Variants in ATP8B2 observed in about 807,000 individuals in gnomAD.
ATP8B2 encodes phospholipid-transporting ATPase ID.
ATP8B2 carries 70 observed loss-of-function variants against 133.4 expected under a neutral mutation model. That is an observed-to-expected ratio of 0.52 (90% CI 0.43 to 0.64). The LOEUF is 0.64. Among genes scored for constraint, ATP8B2 ranks in the 30% least tolerant of loss-of-function variants. The pLI, the probability that ATP8B2 is intolerant of heterozygous loss-of-function variation, is 0.00. For missense variants in ATP8B2, 1,101 were observed against 1,535.7 expected (o/e 0.72, Z 4.73); for synonymous variants, 517 against 589.5 (o/e 0.88, Z 1.78).
intron 3 of ATP8B2, 178 bp from the exon 4 acceptor site, chr1:154,330,637 C>A: frequency 1.3e-6 from 1 of 745,976 alleles, no homozygotes; most frequent in Non-Finnish European, 2.2e-6. Context: ...GTCAGTGAAG[C>A]AGAATACATT....
chr1:154,327,364 G>A (rs1252918689), intron 1 of ATP8B2, among the ~76,000 whole-genome samples: 3 of 151,354 alleles, frequency 2.0e-5, no homozygotes, highest in Non-Finnish European at 3.0e-5. Context: ...AGCAGGCAGA[G>A]GCTTGTCTCA....
rs1686521741 is a variant in ATP8B2, at chr1:154,344,705, A to G, written c.2206A>G (p.Lys736Glu). 1 of 1,612,244 alleles carries G rather than the reference A, an allele frequency of 6.2e-7. No homozygotes were observed. ...SVGNGFTYQD[K>E]LSSSKLTSVL... ...AGGCAACGGCTTCACCTATCAGGAC[A>G]AGCTTTCTTCTTCCAAGCTAACTTC... The change falls in exon 21 of 28, where the codon AAG (lysine) becomes GAG (glutamate). Residue 736 changes from lysine to glutamate, a missense_variant. Lys to Glu is a moderately conservative substitution (Grantham distance 56). Transcript: ENST00000368489. The surrounding 1 kb of genome is among the most constrained non-coding windows in gnomAD (Gnocchi z 4.1).
At position 154,331,685 on chromosome 1, in the gene ATP8B2, G is replaced by C. The variant is rs190204721; in HGVS notation, c.438+7G>C. 1.9e-6 allele frequency: 3 copies of C among 1,613,272 alleles called. No individual in the cohort carries two copies. In the East Asian group the frequency reaches 6.7e-5, roughly 36 times the overall value. On this transcript the variant is annotated splice_region_variant and intron_variant, in intron 7 of 27. Transcript: ENST00000368489. This position sits in a 1 kb window ranked among gnomAD's most constrained non-coding sequence, Gnocchi z 4.8. ...AAATAACCAGTTTGTGGCGGTAAGGGACAGGGTACCCCTCTAGGCCTGTAG... is the reference window on the plus strand; with the variant it reads ...AAATAACCAGTTTGTGGCGGTAAGGCACAGGGTACCCCTCTAGGCCTGTAG...
chr1:154,341,193 G>A (rs1211138401), intron 13 of ATP8B2, 131 bp downstream of exon 13: 2 of 942,558 alleles, frequency 2.1e-6, no homozygotes, highest in African/African-American at 3.3e-5. Flanking sequence ...TAGAAGAAAG[G>A]GTCCATCCTG....
rs545346974 is a variant in ATP8B2 at position 154,337,342 on chromosome 1, C to T, written c.838-6C>T. 2.2e-5 allele frequency: 36 copies of T among 1,609,372 alleles called. No homozygotes were observed. In the Admixed American group the frequency reaches 2.5e-4, roughly 11 times the overall value. Reference sequence around the variant, plus strand: ...AGCCTCGCCTGTGCTTCTCATTCCTCCCCAGATTTTTGGATTCCTGGTTTG... The same window carrying T: ...AGCCTCGCCTGTGCTTCTCATTCCTTCCCAGATTTTTGGATTCCTGGTTTG... On this transcript the variant is annotated splice_region_variant and splice_polypyrimidine_tract_variant and intron_variant, in intron 11 of 27. Transcript: ENST00000368489.
intron 11 of ATP8B2, among the ~76,000 whole-genome samples, chr1:154,335,098 C>T (rs1686132085): frequency 6.6e-6 from 1 of 152,190 alleles, no homozygotes; most frequent in Non-Finnish European, 1.5e-5. Flanking sequence ...CCTTCCTGTG[C>T]CCCGACTGTC....
At position 154,340,806 on chromosome 1, in the gene ATP8B2, A is replaced by G; in HGVS notation, c.1035-48A>G. The G allele has an allele frequency of 6.3e-7, 1 of 1,581,382 alleles. No homozygotes were observed. The highest frequency in any genetic ancestry group is 2.2e-5 in the East Asian group (1 of 44,568). On this transcript the variant is annotated intron_variant, in intron 12 of 27. Transcript: ENST00000368489. The surrounding 1 kb of genome is among the most constrained non-coding windows in gnomAD (Gnocchi z 4.0). The stretch of plus-strand genomic sequence containing the variant: ...CAGCGAAGGCCCATGTGGGTGGGGC[A>G]CCTCCTCTTCTTCCCGACCCAAGCC...
At position 154,336,483 on chromosome 1, in the gene ATP8B2, ATTTT is replaced by A. The variant is rs10708729; in HGVS notation, c.838-850_838-847del. ...AAAATTGCAAAAAAAAATCTCATAAATTTTTTTTTTTTTTTTTTGAGACGGAGTC... is the reference window on the plus strand; with the variant it reads ...AAAATTGCAAAAAAAAATCTCATAAATTTTTTTTTTTTTTGAGACGGAGTC... On this transcript the variant is annotated intron_variant, in intron 11 of 27. Transcript: ENST00000368489. Among the ~76,000 whole-genome samples, 751 of 125,510 alleles carry A rather than the reference ATTTT, an allele frequency of 6.0e-3. 6 individuals carry two copies. Among genetic ancestry groups the A allele is most frequent in the African/African-American group, 0.019 (617 of 33,008 alleles). 82.3% of individuals were successfully genotyped at this position (125,510 alleles called of 152,430 possible).
Position 154,331,560 on chromosome 1 carries a change from C to A in ATP8B2, c.366-46C>A, listed in dbSNP as rs1685994130. The A allele has an allele frequency of 3.1e-6, 5 of 1,613,574 alleles. No individual in the cohort carries two copies. The East Asian group carries it at 8.9e-5, about 29-fold the overall frequency. ...GGGACGAAGGGGGTCCCTTAGGAAC[C>A]TCTTTAGCTCCTGACAGCCTCTTCA... On this transcript the variant is annotated intron_variant, in intron 6 of 27. Coordinates refer to ENST00000368489, the MANE Select transcript of ATP8B2 (RefSeq NM_001370597.1). The surrounding 1 kb of genome is among the most constrained non-coding windows in gnomAD (Gnocchi z 4.8).
At position 154,349,067 on chromosome 1, in the gene ATP8B2, T is replaced by A. The variant is rs925796941; in HGVS notation, c.3522T>A (p.Ser1174Arg). 2.5e-6 allele frequency: 4 copies of A among 1,613,910 alleles called. No homozygotes were observed. The highest frequency in any genetic ancestry group is 3.4e-6 in the Non-Finnish European group (4 of 1,179,982). Reference protein sequence around the residue: ...SWIESLRRKKSDSASSPSGGA... With the variant: ...SWIESLRRKKRDSASSPSGGA... ...TTGAGAGCCTGCGCAGGAAGAAGAG[T>A]GACAGTGCCAGTAGCCCCAGTGGCG... The change falls in exon 28 of 28, where the codon AGT (serine) becomes AGA (arginine). Residue 1174 changes from serine (S) to arginine (R), a missense_variant. By Grantham distance (110) the Ser-to-Arg change is moderately radical. Transcript: ENST00000368489.
At chr1:154,330,707 G>A in intron 3 of ATP8B2, 108 bp from the exon 4 acceptor site, 1 of 968,596 alleles carries the variant, frequency 1.0e-6, no homozygotes, top group Non-Finnish European at 1.6e-6. Context: ...GTGTTTGCTA[G>A]CTTTTGGGGT....
At chr1:154,342,576 A>C (rs1022490352) in intron 14 of ATP8B2, 53 bp downstream of exon 14, 2 of 1,563,758 alleles carry the variant, frequency 1.3e-6, no homozygotes, top group African/African-American at 2.7e-5. Flanking sequence ...GTGCCTGGCC[A>C]GTAACAGTGT....
At position 154,340,813 on chromosome 1, in the gene ATP8B2, C is replaced by T. The variant is rs1558272639; in HGVS notation, c.1035-41C>T. ...GGCCCATGTGGGTGGGGCACCTCCTCTTCTTCCCGACCCAAGCCTCACCTC... is the reference window on the plus strand; with the variant it reads ...GGCCCATGTGGGTGGGGCACCTCCTTTTCTTCCCGACCCAAGCCTCACCTC... On this transcript the variant is annotated intron_variant, in intron 12 of 27. Coordinates refer to ENST00000368489, the MANE Select transcript of ATP8B2 (RefSeq NM_001370597.1). The surrounding 1 kb of genome is among the most constrained non-coding windows in gnomAD (Gnocchi z 4.0). 2.5e-6 allele frequency: 4 copies of T among 1,602,250 alleles called. No individual in the cohort carries two copies. The Admixed American group carries it at 5.0e-5, about 20-fold the overall frequency.
chr1:154,331,992 G>C lies in ATP8B2; in HGVS notation c.477G>C (p.Gly159=), dbSNP rs778100044. 1.7e-5 allele frequency: 27 copies of C among 1,614,126 alleles called. No individual in the cohort carries two copies. The South Asian group carries it at 2.9e-4, about 17-fold the overall frequency. The change falls in exon 8 of 28, where the codon GGG becomes GGC. Residue 159 remains glycine (G), a synonymous_variant. Coordinates refer to ENST00000368489, the MANE Select transcript of ATP8B2 (RefSeq NM_001370597.1). The surrounding 1 kb of genome is among the most constrained non-coding windows in gnomAD (Gnocchi z 4.8). ...TCCTTTCCAGCAGTGAGCCCCATGG[G>C]CTGTGTTACATAGAGACAGCAGAAC... ...LLLLSSSEPH[G]LCYIETAELD...
chr1:154,338,494 T>G (rs1686267745), intron 12 of ATP8B2, among the ~76,000 whole-genome samples: 1 of 152,122 alleles, frequency 6.6e-6, no homozygotes, highest in Non-Finnish European at 1.5e-5. Flanking sequence ...ACCCCGTCTC[T>G]ACTAAAAATA....
Position 154,348,471 on chromosome 1 carries a change from T to C in ATP8B2, c.3227T>C (p.Val1076Ala), listed in dbSNP as rs1570874839. ...CTGACCATTGTGCTCACCACAGTCG[T>C]CTGCATCATGCCCGTGGTTGCCTTC... ...VWLTIVLTTV[V>A]CIMPVVAFRF... The change falls in exon 27 of 28, where the codon GTC (valine) becomes GCC (alanine). Residue 1076 changes from valine to alanine, a missense_variant. Physicochemically the swap from Val to Ala is moderately conservative, Grantham distance 64. Coordinates refer to ENST00000368489, the MANE Select transcript of ATP8B2 (RefSeq NM_001370597.1). 1 of 1,614,098 alleles carries C rather than the reference T, an allele frequency of 6.2e-7. No homozygotes were observed. The highest frequency in any genetic ancestry group is 8.5e-7 in the Non-Finnish European group (1 of 1,179,992).
chr1:154,349,005 C>T lies in ATP8B2; in HGVS notation c.3460C>T (p.Leu1154Phe). The change falls in exon 28 of 28, where the codon CTC becomes TTC. Residue 1154 changes from leucine (L) to phenylalanine (F), a missense_variant. By Grantham distance (22) the Leu-to-Phe change is conservative. Transcript: ENST00000368489. ...GKNMRLSSLA[L>F]SSFTTRSSSS... ...GAACATGCGGCTGAGCTCTCTCGCG[C>T]TCTCCAGCTTCACCACCCGCTCCAG... 1 of 1,614,278 alleles carries T rather than the reference C, an allele frequency of 6.2e-7. No individual in the cohort carries two copies. The highest frequency in any genetic ancestry group is 8.5e-7 in the Non-Finnish European group (1 of 1,180,046).
rs1037437541 is a variant in ATP8B2 at position 154,330,807 on chromosome 1, T to C, written c.91-8T>C. 1.2e-6 allele frequency: 2 copies of C among 1,608,344 alleles called. No homozygotes were observed. The highest frequency in any genetic ancestry group is 2.7e-5 in the African/African-American group (2 of 74,776). ...GACTGCTCATTATCTTCTCTCCTACTGCCATAGAGTAACTGCATCAAGACC... is the reference window on the plus strand; with the variant it reads ...GACTGCTCATTATCTTCTCTCCTACCGCCATAGAGTAACTGCATCAAGACC... On this transcript the variant is annotated splice_region_variant and splice_polypyrimidine_tract_variant and intron_variant, in intron 3 of 27. Coordinates refer to ENST00000368489, the MANE Select transcript of ATP8B2 (RefSeq NM_001370597.1).
Position 154,349,316 on chromosome 1 carries a change from A to G in ATP8B2, c.*198A>G, listed in dbSNP as rs940068523. On this transcript the variant is annotated 3_prime_UTR_variant, in exon 28 of 28. Transcript: ENST00000368489. ...GCCCTTCCACCAGCTGGGGAGCTAG[A>G]GGGAGCAGGCCCAAGGGCAGAGCAG... 5.1e-6 allele frequency: 4 copies of G among 791,130 alleles called. No homozygotes were observed. The highest frequency in any genetic ancestry group is 7.8e-6 in the Non-Finnish European group (4 of 512,436). 49.0% of individuals were successfully genotyped at this position (791,130 alleles called of 1,614,324 possible).
Sources: gnomAD v4.1 joint callset for allele counts (sites outside exome capture counted in the v4.1 genomes callset) on GRCh38, gnomAD v4.1.1 for gene constraint, Gnocchi (gnomAD v3.1) non-coding constraint, MANE v1.5 for transcripts, NCBI Gene and HGNC (gene_info 2026-07-23, HGNC 2026-07-21) for gene names.